Variants in CDH13 observed in about 807,000 individuals in gnomAD.
CDH13 encodes cadherin 13, also known as cadherin-13.
Under a neutral mutation model 63.8 loss-of-function variants are expected in CDH13, and 24 were observed. The observed-to-expected ratio is 0.38, with a 90% CI of 0.27 to 0.53. CDH13 has a LOEUF of 0.53. CDH13 is among the 20% of genes least tolerant of loss of function. The pLI is 0.85. For synonymous variants in CDH13, 503 were observed against 355.3 expected, an observed-to-expected ratio of 1.42 and a Z score of -4.67; for missense variants, 1,049 against 903.1, an observed-to-expected ratio of 1.16 and a Z score of -2.07.
At chr16:83,115,783 A>C (rs913216142) in intron 3 of CDH13, among the ~76,000 whole-genome samples, 3 of 152,244 alleles carry the variant, frequency 2.0e-5, no homozygotes, top group African/African-American at 7.2e-5. Flanking sequence ...AGAGGGAACA[A>C]AGATGATAGA....
At chr16:83,555,633 A>G (rs373083776) in intron 7 of CDH13, among the ~76,000 whole-genome samples, 3 of 152,352 alleles carry the variant, frequency 2.0e-5, no homozygotes, top group East Asian at 1.9e-4. Flanking sequence ...GAGAAAACCA[A>G]TTGATAAGCC....
chr16:82,771,166 A>T (rs1265469180), intron 1 of CDH13, among the ~76,000 whole-genome samples: 1 of 152,226 alleles, frequency 6.6e-6, no homozygotes, highest in East Asian at 1.9e-4. Flanking sequence ...TAACTTGTTT[A>T]TCACAAGTCA....
At chr16:82,800,898 C>T (rs1410770064) in intron 1 of CDH13, among the ~76,000 whole-genome samples, 3 of 152,166 alleles carry the variant, frequency 2.0e-5, no homozygotes, top group Admixed American at 6.5e-5. Flanking sequence ...CATTTTCATG[C>T]ACCTTATTTC....
chr16:83,487,298 T>A (rs1324966322), intron 7 of CDH13, among the ~76,000 whole-genome samples: 1 of 152,204 alleles, frequency 6.6e-6, no homozygotes, highest in African/African-American at 2.4e-5. Flanking sequence ...ATCAAAATAT[T>A]TAGATTTCAC....
chr16:83,601,831 A>C (rs1353195469), intron 7 of CDH13, among the ~76,000 whole-genome samples: 3 of 152,102 alleles, frequency 2.0e-5, no homozygotes, highest in Non-Finnish European at 4.4e-5. Context: ...GTGGTGGCTC[A>C]CACCTGTAAT....
intron 8 of CDH13, among the ~76,000 whole-genome samples, chr16:83,667,907 C>T (rs1477487561): frequency 1.3e-5 from 2 of 152,152 alleles, no homozygotes; most frequent in African/African-American, 4.8e-5. Context: ...AAGTGATCCT[C>T]CCACCTCAGC....
intron 6 of CDH13, among the ~76,000 whole-genome samples, chr16:83,361,818 A>G (rs2091168076): frequency 1.3e-5 from 2 of 152,038 alleles, no homozygotes; most frequent in East Asian, 1.9e-4. Context: ...ATGCTGTTTT[A>G]GTTACCGTAT....
intron 2 of CDH13, among the ~76,000 whole-genome samples, chr16:82,920,870 T>TACA: frequency 6.6e-6 from 1 of 152,322 alleles, no homozygotes; most frequent in African/African-American, 2.4e-5. Flanking sequence ...CCTGAAGGCT[T>TACA]TTCAGATGTG....
intron 4 of CDH13, among the ~76,000 whole-genome samples, chr16:83,166,123 G>A (rs768519802): frequency 1.3e-5 from 2 of 152,102 alleles, no homozygotes; most frequent in Non-Finnish European, 2.9e-5. Context: ...TGGTGGCCAG[G>A]TTTTAAACAG....
intron 1 of CDH13, among the ~76,000 whole-genome samples, chr16:82,694,645 A>G (rs950391538): frequency 2.0e-5 from 3 of 152,316 alleles, no homozygotes; most frequent in Non-Finnish European, 4.4e-5. Flanking sequence ...GCCATGCTTC[A>G]TGTTACCAAA....
chr16:83,385,287 A>G (rs2091650629), intron 6 of CDH13, among the ~76,000 whole-genome samples: 2 of 152,318 alleles, frequency 1.3e-5, no homozygotes, highest in East Asian at 1.9e-4. Flanking sequence ...ATTCTAAGAA[A>G]CTGTATGCCT....
intron 1 of CDH13, among the ~76,000 whole-genome samples, chr16:82,806,831 A>C (rs1320904728): frequency 1.3e-5 from 2 of 152,212 alleles, no homozygotes; most frequent in African/African-American, 4.8e-5. Flanking sequence ...CTTTCATTCT[A>C]CCATAAAGAA....
intron 3 of CDH13, among the ~76,000 whole-genome samples, chr16:83,071,018 A>C (rs2032398939): frequency 1.3e-5 from 2 of 152,102 alleles, no homozygotes; most frequent in South Asian, 4.1e-4. Flanking sequence ...TTCTCCTGGC[A>C]AAGGAAAAGA....
At chr16:83,754,444 T>C (rs919585412) in intron 11 of CDH13, among the ~76,000 whole-genome samples, 2 of 152,182 alleles carry the variant, frequency 1.3e-5, no homozygotes, top group African/African-American at 4.8e-5. Flanking sequence ...CTGACCCTTT[T>C]CAAGCCCTTA....
At chr16:82,760,986 C>G (rs1161857381) in intron 1 of CDH13, among the ~76,000 whole-genome samples, 3 of 144,326 alleles carry the variant, frequency 2.1e-5, no homozygotes, top group African/African-American at 7.6e-5. Flanking sequence ...CAGCCTCCAC[C>G]TCCAACTCTG....
chr16:83,567,340 C>A (rs888098794), intron 7 of CDH13, among the ~76,000 whole-genome samples: 1 of 152,176 alleles, frequency 6.6e-6, no homozygotes, highest in Non-Finnish European at 1.5e-5. Flanking sequence ...CTCACACAGA[C>A]TAGAGATAAA....
intron 4 of CDH13, among the ~76,000 whole-genome samples, chr16:83,157,354 C>G (rs1194410219): frequency 2.6e-5 from 4 of 152,120 alleles, no homozygotes; most frequent in Non-Finnish European, 5.9e-5. Context: ...ATGGGTGGCT[C>G]TAAGAGATGA....
At chr16:82,743,154 C>T (rs1471956571) in intron 1 of CDH13, among the ~76,000 whole-genome samples, 3 of 152,116 alleles carry the variant, frequency 2.0e-5, no homozygotes, top group East Asian at 1.9e-4. Context: ...TAGAACAATA[C>T]TTTTGTCTTT....
chr16:83,478,779 C>A (rs1281275469), intron 6 of CDH13, among the ~76,000 whole-genome samples: 1 of 151,370 alleles, frequency 6.6e-6, no homozygotes, highest in East Asian at 1.9e-4. Flanking sequence ...AGTCTTCACA[C>A]CCAGAACTGA....
Sources: gnomAD v4.1 joint callset for allele counts (sites outside exome capture counted in the v4.1 genomes callset) on GRCh38, gnomAD v4.1.1 for gene constraint, MANE v1.5 for transcripts, NCBI Gene and HGNC (gene_info 2026-07-23, HGNC 2026-07-21) for gene names.